ENTREP2: variants seen among roughly 807,000 people sequenced by gnomAD.
The protein encoded by ENTREP2 is protein ENTREP2.
the ENTREP2 span, chr15:29,381,915 G>A: frequency 1.6e-5 from 20 of 1,273,514 alleles, no homozygotes; most frequent in Admixed American, 1.6e-4. Context: ...GTTTCAACCC[G>A]GAGAAGGACG....
At chr15:29,368,972 T>G in the ENTREP2 span, among the ~76,000 whole-genome samples, 2 of 151,916 alleles carry the variant, frequency 1.3e-5, no homozygotes, top group African/African-American at 2.4e-5. Flanking sequence ...CAGATTTGAG[T>G]AGACCAAAGA....
the ENTREP2 span, among the ~76,000 whole-genome samples, chr15:29,545,466 G>A: frequency 2.0e-5 from 3 of 152,208 alleles, no homozygotes; most frequent in African/African-American, 7.2e-5. Context: ...TAAGAGTCCA[G>A]TTTTGTGATC....
the ENTREP2 span, among the ~76,000 whole-genome samples, chr15:29,337,764 A>T: frequency 6.6e-6 from 1 of 152,088 alleles, no homozygotes; most frequent in African/African-American, 2.4e-5. Flanking sequence ...AGTTTTCACA[A>T]CTTCCCCATG....
the ENTREP2 span, among the ~76,000 whole-genome samples, chr15:29,260,475 G>A: frequency 9.2e-5 from 14 of 152,172 alleles, no homozygotes; most frequent in Non-Finnish European, 1.5e-4. Flanking sequence ...CTTCAGGAAT[G>A]CAAGAAAGTC....
the ENTREP2 span, among the ~76,000 whole-genome samples, chr15:29,436,100 G>A: frequency 6.6e-6 from 1 of 152,168 alleles, no homozygotes; most frequent in Non-Finnish European, 1.5e-5. Context: ...AGAACATGCA[G>A]AGTTCCTGCC....
chr15:29,251,944 T>A, the ENTREP2 span, among the ~76,000 whole-genome samples: 1 of 152,212 alleles, frequency 6.6e-6, no homozygotes, highest in Admixed American at 6.5e-5. Flanking sequence ...ATGCTAACTA[T>A]ATTGTTTTGA....
At chr15:29,144,526 C>T in the ENTREP2 span, among the ~76,000 whole-genome samples, 5 of 152,164 alleles carry the variant, frequency 3.3e-5, no homozygotes, top group South Asian at 6.2e-4. Flanking sequence ...CCTACGAGTT[C>T]GAGACCAGCC....
chr15:29,475,556 G>A, the ENTREP2 span, among the ~76,000 whole-genome samples: 2 of 152,178 alleles, frequency 1.3e-5, no homozygotes, highest in African/African-American at 2.4e-5. Context: ...GTGGGCAAGA[G>A]GGGCTGAGGG....
At chr15:29,447,529 A>C in the ENTREP2 span, among the ~76,000 whole-genome samples, 1 of 152,290 alleles carries the variant, frequency 6.6e-6, no homozygotes, top group East Asian at 1.9e-4. Flanking sequence ...GCAGTGGCAC[A>C]ATCGCAGCTC....
the ENTREP2 span, among the ~76,000 whole-genome samples, chr15:29,286,268 C>T: frequency 1.3e-5 from 2 of 152,066 alleles, no homozygotes; most frequent in East Asian, 1.9e-4. Context: ...ATTCTACATG[C>T]AGAAAATTCA....
chr15:29,452,829 G>A, the ENTREP2 span: 1 of 152,166 alleles, frequency 6.6e-6, no homozygotes, highest in East Asian at 1.9e-4. Flanking sequence ...TGGGGGGTTG[G>A]GGGGAGTAAA....
chr15:29,451,347 T>C, the ENTREP2 span, among the ~76,000 whole-genome samples: 1 of 152,024 alleles, frequency 6.6e-6, no homozygotes, highest in Admixed American at 6.6e-5. Context: ...TCCCCACCCC[T>C]TCTCGCCTCT....
chr15:29,638,438 G>A, the ENTREP2 span, among the ~76,000 whole-genome samples: 1 of 152,236 alleles, frequency 6.6e-6, no homozygotes, highest in Non-Finnish European at 1.5e-5. Context: ...CCTGCCAGCT[G>A]AGAACCACTG....
At chr15:29,445,266 G>T in the ENTREP2 span, among the ~76,000 whole-genome samples, 1 of 152,116 alleles carries the variant, frequency 6.6e-6, no homozygotes, top group Non-Finnish European at 1.5e-5. Flanking sequence ...CTAACACTTG[G>T]AATCTCCAAG....
At chr15:29,657,191 G>T in the ENTREP2 span, among the ~76,000 whole-genome samples, 2 of 150,766 alleles carry the variant, frequency 1.3e-5, no homozygotes, top group African/African-American at 4.9e-5. Flanking sequence ...GGGACTACAC[G>T]CGCCCACCAC....
chr15:29,270,782 C>G, the ENTREP2 span, among the ~76,000 whole-genome samples: 12 of 152,222 alleles, frequency 7.9e-5, no homozygotes, highest in Non-Finnish European at 1.2e-4. Flanking sequence ...CATCAGCAGT[C>G]TGCTGCCATG....
the ENTREP2 span, among the ~76,000 whole-genome samples, chr15:29,573,223 G>A: frequency 6.6e-6 from 1 of 152,202 alleles, no homozygotes; most frequent in Non-Finnish European, 1.5e-5. Context: ...GGTGGGTTAG[G>A]AGAGGGATCT....
the ENTREP2 span, among the ~76,000 whole-genome samples, chr15:29,219,264 A>AT: frequency 1.3e-5 from 2 of 152,184 alleles, no homozygotes; most frequent in Non-Finnish European, 2.9e-5. Flanking sequence ...ATAATGCAAT[A>AT]CCATCTTACT....
the ENTREP2 span, among the ~76,000 whole-genome samples, chr15:29,161,165 A>T: frequency 6.6e-6 from 1 of 152,162 alleles, no homozygotes; most frequent in African/African-American, 2.4e-5. Flanking sequence ...CCAAGAATGT[A>T]AGGCCTTGAC....
Sources: allele counts gnomAD v4.1 joint callset (sites outside exome capture counted in the v4.1 genomes callset), GRCh38; gene constraint gnomAD v4.1.1; transcripts MANE v1.5; gene names NCBI Gene and HGNC (gene_info 2026-07-23, HGNC 2026-07-21).